NUP210L: variants seen among roughly 807,000 people sequenced by gnomAD.
The protein encoded by NUP210L is nucleoporin 210 like, also known as nuclear pore membrane glycoprotein 210-like.
In NUP210L, 74 loss-of-function variants were observed where a neutral mutation model predicts 208.5. The ratio of observed to expected loss-of-function variants is 0.35; its 90% CI spans 0.29 to 0.43. The LOEUF is 0.43. Among genes scored for constraint, NUP210L ranks in the 20% least tolerant of loss-of-function variants. The probability of loss-of-function intolerance (pLI) is 1.00; values close to 1 mark genes in which losing one functional copy is unlikely to be tolerated. For synonymous variants in NUP210L, 780 were observed against 816.9 expected (o/e 0.95, Z 0.77); for missense variants, 1,843 against 2,289.4 (o/e 0.81, Z 3.98).
chr1:154,059,431 G>A (rs1351468715), intron 20 of NUP210L, among the ~76,000 whole-genome samples: 1 of 152,114 alleles, frequency 6.6e-6, no homozygotes, highest in East Asian at 1.9e-4. Flanking sequence ...AGAGTTCAAG[G>A]CTACAGTGAG....
At chr1:154,081,206 C>T (rs923629156) in intron 16 of NUP210L, among the ~76,000 whole-genome samples, 7 of 150,624 alleles carry the variant, frequency 4.6e-5, no homozygotes, top group African/African-American at 7.3e-5. Flanking sequence ...GCAAGAGACA[C>T]TCATGGGTCA....
intron 22 of NUP210L, 83 bp downstream of exon 22, chr1:154,058,006 G>A (rs1249105467): frequency 3.6e-5 from 52 of 1,427,134 alleles, no homozygotes; most frequent in Non-Finnish European, 4.7e-5. Context: ...AATAATCTAA[G>A]GTAAGGGAAA....
At chr1:154,027,104 A>AC (rs1358664019) in intron 29 of NUP210L, among the ~76,000 whole-genome samples, 1 of 147,400 alleles carries the variant, frequency 6.8e-6, no homozygotes, top group Non-Finnish European at 1.5e-5. Flanking sequence ...AAACAAAAAA[A>AC]AAAAAACAAA....
At chr1:154,062,567 C>CTTTT (rs34499821) in intron 17 of NUP210L, among the ~76,000 whole-genome samples, 962 of 74,968 alleles carry the variant, frequency 0.013, no homozygotes, top group Non-Finnish European at 0.014. Flanking sequence ...TTTCTTTTTC[C>CTTTT]TTTTTTTTTT....
intron 33 of NUP210L, among the ~76,000 whole-genome samples, chr1:154,015,950 AAAT>A (rs1553221894): frequency 1.3e-4 from 19 of 149,636 alleles, no homozygotes; most frequent in South Asian, 4.2e-4. Flanking sequence ...ATAAATAAAT[AAAT>A]AAAAATAAAA....
At chr1:154,039,294 T>C (rs980633780) in intron 27 of NUP210L, among the ~76,000 whole-genome samples, 14 of 151,398 alleles carry the variant, frequency 9.2e-5, no homozygotes, top group African/African-American at 2.9e-4. Flanking sequence ...AGTGCAATAG[T>C]GTGATCTCAG....
chr1:154,037,832 T>G (rs1463793906), intron 27 of NUP210L, among the ~76,000 whole-genome samples: 1 of 151,978 alleles, frequency 6.6e-6, no homozygotes, highest in Admixed American at 6.6e-5. Context: ...TGGCAAGGCT[T>G]GTCTCGAACT....
chr1:154,105,779 T>C (rs1656726073), intron 12 of NUP210L, among the ~76,000 whole-genome samples: 1 of 152,214 alleles, frequency 6.6e-6, no homozygotes, highest in South Asian at 2.1e-4. Flanking sequence ...TTTTTGGACC[T>C]GCCCTAGGCC....
At chr1:154,025,685 G>A in exon 30 of NUP210L, 1 of 1,613,374 alleles carries the variant, frequency 6.2e-7, no homozygotes, top group Non-Finnish European at 8.5e-7. Flanking sequence ...AAACACTTGA[G>A]AACACGAGAA....
At chr1:154,052,423 C>G (rs1006922454) in intron 25 of NUP210L, among the ~76,000 whole-genome samples, 1 of 152,084 alleles carries the variant, frequency 6.6e-6, no homozygotes, top group Non-Finnish European at 1.5e-5. Context: ...TCGAACACAG[C>G]CACCTACCCG....
At chr1:154,047,011 T>C (rs1026887729) in intron 25 of NUP210L, among the ~76,000 whole-genome samples, 1 of 152,062 alleles carries the variant, frequency 6.6e-6, no homozygotes, top group Non-Finnish European at 1.5e-5. Context: ...TGAGCCGAGA[T>C]CATGCCATCG....
chr1:154,091,792 C>T (rs748204435), intron 15 of NUP210L, among the ~76,000 whole-genome samples: 6 of 151,458 alleles, frequency 4.0e-5, no homozygotes, highest in Admixed American at 6.6e-5. Flanking sequence ...TGAGCCACTG[C>T]GCCCGGCCAC....
At chr1:154,103,951 GTAGAGT>G (rs1250366443) in intron 13 of NUP210L, 55 bp downstream of exon 13, 4 of 1,290,300 alleles carry the variant, frequency 3.1e-6, no homozygotes, top group African/African-American at 3.0e-5. Context: ...TGTCACAGTG[GTAGAGT>G]TAAAGATAAA....
chr1:154,003,678 A>G (rs764245224), intron 35 of NUP210L, among the ~76,000 whole-genome samples: 3 of 151,624 alleles, frequency 2.0e-5, no homozygotes, highest in East Asian at 1.9e-4. Flanking sequence ...TTGAGAGACA[A>G]GGTCTTGCTA....
intron 17 of NUP210L, among the ~76,000 whole-genome samples, chr1:154,065,131 A>C (rs1571229742): frequency 7.4e-6 from 1 of 135,246 alleles, no homozygotes; most frequent in African/African-American, 2.9e-5. Flanking sequence ...AAAATAAAAT[A>C]AAATAAAATC....
At chr1:154,127,330 G>C (rs1237024448) in exon 9 of NUP210L, 1 of 1,576,518 alleles carries the variant, frequency 6.3e-7, no homozygotes, top group Non-Finnish European at 8.7e-7. Flanking sequence ...ATAGACCTTT[G>C]TGCTGCTTTT....
chr1:154,125,752 GTTTTTTTTTTT>G (rs1162421953), intron 10 of NUP210L, among the ~76,000 whole-genome samples: 1 of 3,064 alleles, frequency 3.3e-4, no homozygotes, highest in African/African-American at 6.6e-4. Context: ...GGAGGGAAAT[GTTTTTTTTTTT>G]TTTTTTTTTT....
chr1:154,127,444 A>G (rs1230734388), intron 8 of NUP210L, 27 bp from the exon 9 acceptor site: 8 of 1,074,800 alleles, frequency 7.4e-6, no homozygotes, highest in Admixed American at 2.1e-5. Flanking sequence ...AAACAAAAAT[A>G]TTAGAAGAGG....
At chr1:154,142,305 C>G (rs1479533729) in intron 3 of NUP210L, among the ~76,000 whole-genome samples, 1 of 151,998 alleles carries the variant, frequency 6.6e-6, no homozygotes, top group African/African-American at 2.4e-5. Flanking sequence ...ACTTCAACCT[C>G]GGCCTCCCAA....
Sources: allele counts gnomAD v4.1 joint callset (sites outside exome capture counted in the v4.1 genomes callset), GRCh38; gene constraint gnomAD v4.1.1; transcripts MANE v1.5; gene names NCBI Gene and HGNC (gene_info 2026-07-23, HGNC 2026-07-21).